The following UTY variants were observed in gnomAD, a reference collection of about 807,000 sequenced individuals.
UTY encodes histone demethylase UTY.
In UTY, 12 loss-of-function variants were observed where a neutral mutation model predicts 32.5. The observed-to-expected ratio is 0.37, with a 90% CI of 0.24 to 0.60. The LOEUF (loss-of-function observed/expected upper bound fraction) is 0.60, where lower values mean the gene tolerates loss of function less well. Among genes scored for constraint, UTY ranks in the 20% least tolerant of loss-of-function variants. The pLI, the probability that UTY is intolerant of heterozygous loss-of-function variation, is 0.69. For synonymous variants in UTY, 131 were observed against 103.4 expected, an observed-to-expected ratio of 1.27 and a Z score of -1.62; for missense variants, 303 against 299.2, an observed-to-expected ratio of 1.01 and a Z score of -0.09.
intron 6 of UTY, among the ~76,000 whole-genome samples, chrY:13,410,695 G>A: frequency 3.0e-5 from 1 of 33,058 alleles, no homozygotes. Context: ...AAATAATGTT[G>A]ATGCTCAAAG....
intron 4 of UTY, among the ~76,000 whole-genome samples, chrY:13,419,975 T>C: frequency 3.0e-5 from 1 of 33,740 alleles, no homozygotes; most frequent in Non-Finnish European, 7.3e-5. Context: ...GCTGAATACA[T>C]ACCACTTTCA....
At chrY:13,460,077 T>C (rs2077219564) in intron 3 of UTY, among the ~76,000 whole-genome samples, 1 of 33,151 alleles carries the variant, frequency 3.0e-5, no homozygotes, top group Non-Finnish European at 7.4e-5. Context: ...CTTAAATCCC[T>C]AATTTCCTTA....
chrY:13,312,159 G>C, intron 21 of UTY, among the ~76,000 whole-genome samples: 1 of 34,099 alleles, frequency 2.9e-5, no homozygotes, highest in Non-Finnish European at 7.4e-5. Flanking sequence ...TTGGGAGGCC[G>C]AGGCGGGCGG....
rs2053989728 is a variant in UTY at position 13,248,848 on chromosome Y, C to T, written c.*1008G>A. 1 of 38,515 alleles carries T rather than the reference C, an allele frequency of 2.6e-5. No individual in the cohort carries two copies. The highest frequency in any genetic ancestry group is 6.1e-5 in the Non-Finnish European group (1 of 16,418). 9.6% of individuals were successfully genotyped at this position (38,515 alleles called of 400,897 possible). A position where few individuals can be genotyped will look rare whatever the true frequency, so the allele number is the denominator to read the frequency against. ...CTTCCGTAATACTTTATAATAGGCA[C>T]CTCAAAAACTACCATAGATGTAAAA... On this transcript the variant is annotated 3_prime_UTR_variant, in exon 30 of 30. Coordinates refer to ENST00000545955, the MANE Select transcript of UTY (RefSeq NM_001258249.2).
At chrY:13,397,005 A>G in intron 6 of UTY, 33 bp from the exon 7 acceptor site, 1 of 249,837 alleles carries the variant, frequency 4.0e-6, no homozygotes, top group Non-Finnish European at 5.9e-6. Context: ...TTAATGCACT[A>G]AATTAAGAGT....
intron 27 of UTY, among the ~76,000 whole-genome samples, chrY:13,290,932 G>C (rs2057730704): frequency 3.3e-5 from 1 of 29,992 alleles, no homozygotes; most frequent in Non-Finnish European, 8.0e-5. Flanking sequence ...CCAGGCTGGA[G>C]TGCAGTGGTG....
chrY:13,252,081 G>C (rs2054235446), intron 28 of UTY, among the ~76,000 whole-genome samples: 1 of 27,891 alleles, frequency 3.6e-5, no homozygotes, highest in African/African-American at 1.4e-4. Flanking sequence ...TTGGGAGGCT[G>C]AGGCAGGAGG....
At chrY:13,262,561 G>GTTT (rs772323769) in intron 27 of UTY, among the ~76,000 whole-genome samples, 1 of 21,770 alleles carries the variant, frequency 4.6e-5, no homozygotes, top group Non-Finnish European at 1.1e-4. Context: ...TTTAGATGGA[G>GTTT]TTTTTTTTTT....
At chrY:13,259,917 TATGAAATG>T (rs2055135221) in intron 28 of UTY, among the ~76,000 whole-genome samples, 1 of 33,767 alleles carries the variant, frequency 3.0e-5, no homozygotes, top group Non-Finnish European at 7.4e-5. Context: ...AATAATGATT[TATGAAATG>T]AACCAGAAAG....
intron 28 of UTY, among the ~76,000 whole-genome samples, chrY:13,239,969 A>G (rs2053881787): frequency 8.9e-5 from 3 of 33,666 alleles, no homozygotes; most frequent in Non-Finnish European, 1.5e-4. Context: ...CACAATAGCA[A>G]TAAGAGAAAA....
Position 13,297,758 on chromosome Y carries a change from T to A in UTY, c.3959A>T (p.Asn1320Ile). The change falls in exon 27 of 30, where the codon AAT becomes ATT. Residue 1320 changes from asparagine (N) to isoleucine (I), a missense_variant. By Grantham distance (149) the Asn-to-Ile change is moderately radical. Coordinates refer to ENST00000545955, the MANE Select transcript of UTY (RefSeq NM_001258249.2). The part of the protein sequence containing the change: ...SPVPMVHLSW[N>I]MARNIKVSDP... ...TGAGACTTTGATATTTCGTGCCATA[T>A]TCCAGGAAAGATGCACCATGGGTAC... 2.5e-6 allele frequency: 1 copy of A among 398,827 alleles called. No homozygotes were observed. Among genetic ancestry groups the A allele is most frequent in the Non-Finnish European group, 3.5e-6 (1 of 283,482 alleles).
intron 2 of UTY, among the ~76,000 whole-genome samples, chrY:13,471,534 G>A (rs965164019): frequency 3.0e-5 from 1 of 33,597 alleles, no homozygotes. Flanking sequence ...GCATGAAAAC[G>A]ATAGTGAATG....
At chrY:13,474,755 T>C (rs2078874439) in intron 2 of UTY, among the ~76,000 whole-genome samples, 1 of 33,668 alleles carries the variant, frequency 3.0e-5, no homozygotes, top group Non-Finnish European at 7.4e-5. Flanking sequence ...CAGATCACCA[T>C]GTCTAGCTAA....
chrY:13,278,374 A>G (rs2056813679), intron 27 of UTY, among the ~76,000 whole-genome samples: 1 of 33,648 alleles, frequency 3.0e-5, no homozygotes, highest in Non-Finnish European at 7.4e-5. Context: ...GGGAAGAGGT[A>G]AACGGGACTT....
intron 21 of UTY, among the ~76,000 whole-genome samples, chrY:13,320,350 ATTG>A (rs2059748783): frequency 3.0e-5 from 1 of 32,892 alleles, no homozygotes; most frequent in Non-Finnish European, 7.5e-5. Context: ...TCCACAGACA[ATTG>A]TTGTCTTTAT....
At position 13,359,787 on chromosome Y, in the gene UTY, C is replaced by A; in HGVS notation, c.1165G>T (p.Ala389Ser). The change falls in exon 12 of 30, where the codon GCA becomes TCA. Residue 389 changes from alanine (A) to serine (S), a missense_variant. By Grantham distance (99) the Ala-to-Ser change is moderately conservative. Coordinates refer to ENST00000545955, the MANE Select transcript of UTY (RefSeq NM_001258249.2). Reference protein sequence around the residue: ...KRCSNTSTLAARIKFLQAQLC... With the variant: ...KRCSNTSTLASRIKFLQAQLC... ...TTTACCTGTAGAAATTTAATTCTTG[C>A]AGCAAGCGTAGAGGTATTACTACAA... 2.5e-6 allele frequency: 1 copy of A among 395,808 alleles called. No individual in the cohort carries two copies. The highest frequency in any genetic ancestry group is 3.5e-6 in the Non-Finnish European group (1 of 282,045).
At chrY:13,315,785 A>C in intron 21 of UTY, among the ~76,000 whole-genome samples, 1 of 32,333 alleles carries the variant, frequency 3.1e-5, no homozygotes, top group Non-Finnish European at 7.6e-5. Context: ...AGATAAATGT[A>C]TATCTGACTG....
At chrY:13,364,229 A>C in intron 10 of UTY, among the ~76,000 whole-genome samples, 1 of 30,661 alleles carries the variant, frequency 3.3e-5, no homozygotes, top group Non-Finnish European at 8.0e-5. Context: ...ACCCTATGTA[A>C]AAAAAAAAAA....
At chrY:13,422,700 T>G in intron 4 of UTY, among the ~76,000 whole-genome samples, 1 of 33,735 alleles carries the variant, frequency 3.0e-5, no homozygotes, top group Non-Finnish European at 7.4e-5. Context: ...GGTAAAACCA[T>G]GGAGACTGCT....
Sources: gnomAD v4.1 joint callset for allele counts (sites outside exome capture counted in the v4.1 genomes callset) on GRCh38, gnomAD v4.1.1 for gene constraint, MANE v1.5 for transcripts, NCBI Gene and HGNC (gene_info 2026-07-23, HGNC 2026-07-21) for gene names.